Variants in PDYN observed in about 807,000 individuals in gnomAD.
PDYN encodes the protein proenkephalin-B.
In PDYN, 5 loss-of-function variants were observed where a neutral mutation model predicts 11.4. The observed-to-expected ratio is 0.44, with a 90% CI of 0.23 to 0.92. PDYN has a LOEUF of 0.92. PDYN is among the 40% of genes least tolerant of loss of function. The probability of loss-of-function intolerance (pLI) is 0.24; values close to 1 mark genes in which losing one functional copy is unlikely to be tolerated. For missense variants in PDYN, 337 were observed against 317.3 expected (o/e 1.06, Z -0.47); for synonymous variants, 132 against 129.5 (o/e 1.02, Z -0.13).
chr20:1,988,009 T>A (rs1415436777), intron 2 of PDYN, among the ~76,000 whole-genome samples: 3 of 152,172 alleles, frequency 2.0e-5, no homozygotes, highest in African/African-American at 7.2e-5. Flanking sequence ...GCTGCATGAC[T>A]CACTGCCGTG....
intron 2 of PDYN, among the ~76,000 whole-genome samples, chr20:1,988,829 G>A (rs371082512): frequency 1.3e-5 from 2 of 152,304 alleles, no homozygotes; most frequent in African/African-American, 4.8e-5. Context: ...TCACCAGCCT[G>A]CCTAATCACA....
rs920178048 is a variant in PDYN at position 1,980,038 on chromosome 20, ACTG to A, written c.*282_*284del. On this transcript the variant is annotated 3_prime_UTR_variant, in exon 4 of 4. Coordinates refer to ENST00000217305, the MANE Select transcript of PDYN (RefSeq NM_024411.5). ...AACAGGTTGGAAGGACAGATCACAA[ACTG>A]CTGCTGCTGCTGCTGCTGCCGCTGC... 5.0e-3 allele frequency: 2,359 copies of A among 471,790 alleles called. 1 individual carries two copies. The highest frequency in any genetic ancestry group is 8.5e-3 in the East Asian group (203 of 23,906). 29.2% of individuals were successfully genotyped at this position (471,790 alleles called of 1,614,324 possible).
intron 2 of PDYN, among the ~76,000 whole-genome samples, chr20:1,991,726 A>G (rs1988457601): frequency 6.6e-6 from 1 of 152,240 alleles, no homozygotes; most frequent in African/African-American, 2.4e-5. Context: ...ACCAGTAACT[A>G]TTGATCTCTC....
intron 2 of PDYN, among the ~76,000 whole-genome samples, chr20:1,986,398 T>A (rs1217175318): frequency 2.0e-5 from 3 of 152,148 alleles, no homozygotes; most frequent in African/African-American, 4.8e-5. Flanking sequence ...TAGCCTCCAA[T>A]CTTTCCCTCC....
chr20:1,993,027 C>T (rs997431676), intron 1 of PDYN, among the ~76,000 whole-genome samples: 7 of 145,820 alleles, frequency 4.8e-5, no homozygotes, highest in African/African-American at 2.6e-5. Flanking sequence ...AGAATTTACT[C>T]TTCAACCTTG....
intron 1 of PDYN, 60 bp downstream of exon 1, chr20:1,993,851 G>A (rs1366200612): frequency 6.6e-6 from 1 of 152,642 alleles, no homozygotes; most frequent in Non-Finnish European, 1.5e-5. Context: ...AGGTCCAGAG[G>A]ACCAGGAATA....
chr20:1,985,288 G>T (rs145523962), intron 2 of PDYN, among the ~76,000 whole-genome samples: 6 of 151,990 alleles, frequency 3.9e-5, no homozygotes. Context: ...GATCCCAGCC[G>T]CCATTTATCA....
intron 2 of PDYN, among the ~76,000 whole-genome samples, chr20:1,984,173 A>C (rs568397504): frequency 2.0e-5 from 3 of 151,840 alleles, no homozygotes; most frequent in South Asian, 2.1e-4. Context: ...TGAAATAGTC[A>C]CTCTGTTCCT....
chr20:1,985,926 C>A (rs148446015), intron 2 of PDYN, among the ~76,000 whole-genome samples: 1 of 152,276 alleles, frequency 6.6e-6, no homozygotes, highest in Non-Finnish European at 1.5e-5. Context: ...GGAGGGGGCG[C>A]CTACCACACC....
intron 1 of PDYN, 64 bp downstream of exon 1, chr20:1,993,847 A>C (rs1358730486): frequency 6.6e-6 from 1 of 152,658 alleles, no homozygotes; most frequent in African/African-American, 2.4e-5. Flanking sequence ...CTCTAGGTCC[A>C]GAGGACCAGG....
chr20:1,980,685 C>CAG lies in PDYN; in HGVS notation c.401_402dup (p.Asp135LeufsTer12). On this transcript the variant is annotated frameshift_variant, in exon 4 of 4. Coordinates refer to ENST00000217305, the MANE Select transcript of PDYN (RefSeq NM_024411.5). LOFTEE classifies it high-confidence loss of function. ...GACTCTGCTCCCTCCCTAAACCCGT[C>CAG]AGAGAGACCCCTGAGCTTCTCCTCC... 1 of 1,614,222 alleles carries CAG rather than the reference C, an allele frequency of 6.2e-7. No individual in the cohort carries two copies. The highest frequency in any genetic ancestry group is 8.5e-7 in the Non-Finnish European group (1 of 1,180,046).
chr20:1,990,717 C>G (rs1428013998), intron 2 of PDYN, among the ~76,000 whole-genome samples: 2 of 151,680 alleles, frequency 1.3e-5, no homozygotes, highest in African/African-American at 2.4e-5. Context: ...GAACCGCCAC[C>G]CTTTTTGTTA....
At chr20:1,982,908 G>A (rs369078729) in intron 3 of PDYN, 48 bp downstream of exon 3, 31 of 1,604,332 alleles carry the variant, frequency 1.9e-5, no homozygotes, top group Middle Eastern at 3.3e-4. Context: ...GGGCTGCCTC[G>A]CACAGGTCCA....
At position 1,980,455 on chromosome 20, in the gene PDYN, C is replaced by A. The variant is rs764390086; in HGVS notation, c.633G>T (p.Leu211Phe). 16 of 1,614,058 alleles carry A rather than the reference C, an allele frequency of 9.9e-6. No individual in the cohort carries two copies. The highest frequency in any genetic ancestry group is 1.4e-5 in the Non-Finnish European group (16 of 1,180,032). The change falls in exon 4 of 4, where the codon TTG becomes TTT. Residue 211 changes from leucine (L) to phenylalanine (F), a missense_variant. Transcript: ENST00000217305. The stretch of plus-strand genomic sequence containing the variant: ...ACTTGAGCTTGGGACGAATGCGCCG[C>A]AAGAAGCCCCCATAGCGTTTGTACA... ...EDLYKRYGGFLRRIRPKLKWD... is the reference protein window; with the variant it reads ...EDLYKRYGGFFRRIRPKLKWD...
intron 2 of PDYN, among the ~76,000 whole-genome samples, chr20:1,983,953 C>A (rs1988006328): frequency 1.3e-5 from 2 of 152,104 alleles, no homozygotes; most frequent in Non-Finnish European, 2.9e-5. Flanking sequence ...GCCTGGAGAA[C>A]CCTTCATCTC....
At chr20:1,991,062 A>G (rs1418576654) in intron 2 of PDYN, among the ~76,000 whole-genome samples, 1 of 152,190 alleles carries the variant, frequency 6.6e-6, no homozygotes, top group East Asian at 1.9e-4. Flanking sequence ...AGTGAACACA[A>G]TAAGAGAGAG....
chr20:1,980,080 G>A lies in PDYN; in HGVS notation c.*243C>T, dbSNP rs1361387880. On this transcript the variant is annotated 3_prime_UTR_variant, in exon 4 of 4. Transcript: ENST00000217305. ...TGCTGCCGCTGCTGATAGTTTTAGA[G>A]TCTAGGTGTCTGAGCCAAGCACTAA... 3 of 574,770 alleles carry A rather than the reference G, an allele frequency of 5.2e-6. No individual in the cohort carries two copies. Among genetic ancestry groups the A allele is most frequent in the Non-Finnish European group, 9.4e-6 (3 of 319,684 alleles). 35.6% of individuals were successfully genotyped at this position (574,770 alleles called of 1,614,324 possible).
At chr20:1,991,384 C>A (rs1988440762) in intron 2 of PDYN, among the ~76,000 whole-genome samples, 1 of 152,216 alleles carries the variant, frequency 6.6e-6, no homozygotes, top group South Asian at 2.1e-4. Context: ...CGGAGGAGCC[C>A]CCTGAGCCAA....
intron 2 of PDYN, among the ~76,000 whole-genome samples, chr20:1,987,001 G>A (rs1481607867): frequency 6.6e-6 from 1 of 152,160 alleles, no homozygotes; most frequent in Non-Finnish European, 1.5e-5. Context: ...CTCCTATGCT[G>A]GCTCCATCAC....
Sources: gnomAD v4.1 joint callset for allele counts (sites outside exome capture counted in the v4.1 genomes callset) on GRCh38, gnomAD v4.1.1 for gene constraint, MANE v1.5 for transcripts, NCBI Gene and HGNC (gene_info 2026-07-23, HGNC 2026-07-21) for gene names.